Variants in SIPA1 observed in about 807,000 individuals in gnomAD.
SIPA1 encodes signal-induced proliferation-associated protein 1.
Under a neutral mutation model 88.1 loss-of-function variants are expected in SIPA1, and 51 were observed. That is an observed-to-expected ratio of 0.58 (90% CI 0.46 to 0.73). SIPA1 has a LOEUF of 0.73. SIPA1 is among the 30% of genes least tolerant of loss of function. The pLI is 0.00. For synonymous variants in SIPA1, 681 were observed against 664.8 expected (o/e 1.02, Z -0.37); for missense variants, 1,348 against 1,467.6 (o/e 0.92, Z 1.33).
Position 65,646,120 on chromosome 11 carries a change from C to T in SIPA1, c.1264-101C>T. The T allele has an allele frequency of 1.4e-6, 2 of 1,420,086 alleles. No homozygotes were observed. Among genetic ancestry groups the T allele is most frequent in the Non-Finnish European group, 2.0e-6 (2 of 1,025,200 alleles). The allele number at this position is 1,420,086 out of a possible 1,614,324, so 88.0% of individuals were successfully genotyped here. On this transcript the variant is annotated intron_variant, in intron 6 of 15. Transcript: ENST00000534313. The surrounding 1 kb of genome is among the most constrained non-coding windows in gnomAD (Gnocchi z 7.5). ...AAACACCCTAGGTCTTCACCAGGGG[C>T]AGTGGGGGAGCCATTGGTGCCTTGG...
chr11:65,649,720 G>C, intron 11 of SIPA1, 37 bp from the exon 12 acceptor site: 1 of 1,613,740 alleles, frequency 6.2e-7, no homozygotes, highest in Non-Finnish European at 8.5e-7. Flanking sequence ...TGGTGACAGT[G>C]GGCATCACTG....
chr11:65,646,932 C>T lies in SIPA1; in HGVS notation c.1898C>T (p.Ala633Val). ...GACGGCCGCGTAGTGTTCAATTGCG[C>T]CTGTCGCGACGTGCTGGCCTGGACC... ...PRDGRVVFNC[A>V]CRDVLAWTFS... Residue 633 changes from alanine to valine, a missense_variant, in exon 8 of 16, where the codon GCC becomes GTC. Transcript: ENST00000534313. This position sits in a 1 kb window ranked among gnomAD's most constrained non-coding sequence, Gnocchi z 7.5. 6.5e-7 allele frequency: 1 copy of T among 1,536,138 alleles called. No homozygotes were observed. The highest frequency in any genetic ancestry group is 8.7e-7 in the Non-Finnish European group (1 of 1,146,500).
Position 65,650,852 on chromosome 11 carries a change from C to T in SIPA1, c.*137C>T. 3.3e-6 allele frequency: 3 copies of T among 901,504 alleles called. No homozygotes were observed. The highest frequency in any genetic ancestry group is 4.9e-6 in the Non-Finnish European group (3 of 616,952). 55.8% of individuals were successfully genotyped at this position (901,504 alleles called of 1,614,324 possible). A position where few individuals can be genotyped will look rare whatever the true frequency, so the allele number is the denominator to read the frequency against. ...TATTTGGTGGCGGAAGTGGCCTCCA[C>T]CCCTTCCCTGTTTGTAAATATTCTG... On this transcript the variant is annotated 3_prime_UTR_variant, in exon 16 of 16. Coordinates refer to ENST00000534313, the MANE Select transcript of SIPA1 (RefSeq NM_006747.4).
intron 5 of SIPA1, among the ~76,000 whole-genome samples, chr11:65,645,594 G>A (rs546315351): frequency 1.3e-5 from 2 of 152,156 alleles, no homozygotes; most frequent in African/African-American, 4.8e-5. Flanking sequence ...TCTCATTTCT[G>A]TCTTCATTCT....
intron 9 of SIPA1, among the ~76,000 whole-genome samples, chr11:65,648,829 T>C (rs1332029489): frequency 4.3e-5 from 6 of 140,082 alleles, no homozygotes; most frequent in Non-Finnish European, 6.2e-5. Flanking sequence ...AGAGCAAAAC[T>C]CCATCTCAAA....
chr11:65,646,562 A>G lies in SIPA1; in HGVS notation c.1528A>G (p.Lys510Glu). Residue 510 changes from lysine to glutamate, a missense_variant, in exon 8 of 16, where the codon AAA becomes GAA. By Grantham distance (56) the Lys-to-Glu change is moderately conservative. This residue lies in a region of SIPA1 where 641 missense variants were observed against 797.7 expected (regional missense o/e 0.80). Transcript: ENST00000534313. This position sits in a 1 kb window ranked among gnomAD's most constrained non-coding sequence, Gnocchi z 7.5. ...CGACTTCCGGGCCTTCCTGCTGGCCAAAGCGCTGAATGGTGAGCAGGCGGC... is the reference window on the plus strand; with the variant it reads ...CGACTTCCGGGCCTTCCTGCTGGCCGAAGCGCTGAATGGTGAGCAGGCGGC... ...NADFRAFLLA[K>E]ALNGEQAAGH... 1 of 1,552,746 alleles carries G rather than the reference A, an allele frequency of 6.4e-7. No individual in the cohort carries two copies. Among genetic ancestry groups the G allele is most frequent in the Non-Finnish European group, 8.7e-7 (1 of 1,154,884 alleles).
In SIPA1 at chr11:65,649,260, AG is replaced by A; in HGVS notation, c.2307del. On this transcript the variant is annotated splice_acceptor_variant, in intron 9 of 15. Coordinates refer to ENST00000534313, the MANE Select transcript of SIPA1 (RefSeq NM_006747.4). LOFTEE classifies it high-confidence loss of function. ...CCTGCCTGACCCTGTCCCACCCCAC[AG>A]GAGTTTTTCGGAGCTGTACACGCTG... 1 of 1,515,826 alleles carries A rather than the reference AG, an allele frequency of 6.6e-7. No homozygotes were observed. Among genetic ancestry groups the A allele is most frequent in the Non-Finnish European group, 8.9e-7 (1 of 1,124,394 alleles). The allele number at this position is 1,515,826 out of a possible 1,614,324, so 93.9% of individuals were successfully genotyped here.
In SIPA1 at chr11:65,646,153, C is replaced by T. The variant is rs761234219; in HGVS notation, c.1264-68C>T. The T allele has an allele frequency of 1.7e-5, 26 of 1,570,708 alleles. No individual in the cohort carries two copies. Among genetic ancestry groups the T allele is most frequent in the Non-Finnish European group, 2.3e-5 (26 of 1,151,370 alleles). Reference sequence around the variant, plus strand: ...GAGCCATTGGTGCCTTGGCTTTCTCCTGCCTGAATGAGGAGGGGTTTGGGG... The same window carrying T: ...GAGCCATTGGTGCCTTGGCTTTCTCTTGCCTGAATGAGGAGGGGTTTGGGG... On this transcript the variant is annotated intron_variant, in intron 6 of 15. Transcript: ENST00000534313. This position sits in a 1 kb window ranked among gnomAD's most constrained non-coding sequence, Gnocchi z 7.5.
chr11:65,642,541 C>A lies in SIPA1; in HGVS notation c.886C>A (p.Leu296Met). 1 of 1,606,984 alleles carries A rather than the reference C, an allele frequency of 6.2e-7. No homozygotes were observed. The highest frequency in any genetic ancestry group is 8.5e-7 in the Non-Finnish European group (1 of 1,179,142). ...ACGGGGTCTGTCCCCAAGGAAACTT[C>A]TGGAGCACGTGGCGCCGCAGCTGAG... ...PPRGLSPRKLLEHVAPQLSPS... is the reference protein window; with the variant it reads ...PPRGLSPRKLMEHVAPQLSPS... Residue 296 changes from leucine (L) to methionine (M), a missense_variant, in exon 4 of 16, where the codon CTG (leucine) becomes ATG (methionine). Around this residue, in one of 4 missense-constraint regions of SIPA1, gnomAD observed 641 missense variants for 797.7 expected, o/e 0.80. Coordinates refer to ENST00000534313, the MANE Select transcript of SIPA1 (RefSeq NM_006747.4). The surrounding 1 kb of genome is among the most constrained non-coding windows in gnomAD (Gnocchi z 6.5).
chr11:65,647,238 C>A (rs2075660), intron 8 of SIPA1, 146 bp from the exon 9 acceptor site: 210,244 of 1,382,530 alleles, frequency 0.15, 19,281 homozygotes, highest in East Asian at 0.42. Context: ...TAAGCGACTT[C>A]TGGTCTTCAT....
At chr11:65,638,882 C>A (rs1855949642) in intron 1 of SIPA1, among the ~76,000 whole-genome samples, 1 of 152,220 alleles carries the variant, frequency 6.6e-6, no homozygotes, top group Non-Finnish European at 1.5e-5. Flanking sequence ...CACTTCCAAG[C>A]GTGCAGAGCT....
At chr11:65,648,017 A>G (rs1312660371) in intron 9 of SIPA1, among the ~76,000 whole-genome samples, 2 of 151,968 alleles carry the variant, frequency 1.3e-5, no homozygotes, top group African/African-American at 2.4e-5. Flanking sequence ...GATTACAGGC[A>G]TGCACCACCA....
Position 65,650,699 on chromosome 11 carries a change from C to A in SIPA1, c.3113C>A (p.Thr1038Asn). 6.3e-7 allele frequency: 1 copy of A among 1,580,350 alleles called. No homozygotes were observed. Among genetic ancestry groups the A allele is most frequent in the South Asian group, 1.2e-5 (1 of 86,750 alleles). Residue 1038 changes from threonine (T) to asparagine (N), a missense_variant, in exon 16 of 16, where the codon ACC (threonine) becomes AAC (asparagine). This residue lies in a region of SIPA1 where 615 missense variants were observed against 559.8 expected (regional missense o/e 1.10). Coordinates refer to ENST00000534313, the MANE Select transcript of SIPA1 (RefSeq NM_006747.4). Reference sequence around the variant, plus strand: ...GCCTCCAAGCAGCTGGGCTCACCCACCGCCGACCTGGCCTGAGCCGTCTGG... The same window carrying A: ...GCCTCCAAGCAGCTGGGCTCACCCAACGCCGACCTGGCCTGAGCCGTCTGG... ...LLASKQLGSP[T>N]ADLA
chr11:65,649,215 A>T (rs542936239), intron 9 of SIPA1, 47 bp from the exon 10 acceptor site: 1 of 1,364,448 alleles, frequency 7.3e-7, no homozygotes, highest in East Asian at 2.5e-5. Context: ...GTGATGCAGG[A>T]CGCTGGGGAC....
chr11:65,642,240 G>A lies in SIPA1; in HGVS notation c.680-10G>A. 6.4e-7 allele frequency: 1 copy of A among 1,550,422 alleles called. No individual in the cohort carries two copies. Among genetic ancestry groups the A allele is most frequent in the African/African-American group, 1.4e-5 (1 of 73,012 alleles). On this transcript the variant is annotated splice_polypyrimidine_tract_variant and intron_variant, in intron 2 of 15. Coordinates refer to ENST00000534313, the MANE Select transcript of SIPA1 (RefSeq NM_006747.4). The surrounding 1 kb of genome is among the most constrained non-coding windows in gnomAD (Gnocchi z 6.5). ...CGGGACCAATCGTTTTCTTCGGCGC[G>A]GTCCCCCAGAACATCAGAACTTCTT... is the stretch of plus-strand genomic sequence containing the variant.
chr11:65,647,711 G>C, intron 9 of SIPA1, 53 bp downstream of exon 9: 1 of 1,280,898 alleles, frequency 7.8e-7, no homozygotes, highest in Non-Finnish European at 9.9e-7. Flanking sequence ...TGGCCACCGC[G>C]CAGTCTGCGC....
chr11:65,649,819 C>A lies in SIPA1; in HGVS notation c.2700C>A (p.Ala900=). The part of the protein sequence containing the change: ...DKGNPAPELR[A]SFLPRTLSLR... ...GCAACCCGGCGCCGGAGCTGAGGGCCTCCTTTCTGCCACGTACCTTGTCTC... is the reference window on the plus strand; with the variant it reads ...GCAACCCGGCGCCGGAGCTGAGGGCATCCTTTCTGCCACGTACCTTGTCTC... The change falls in exon 12 of 16, where the codon GCC becomes GCA. Residue 900 remains alanine, a synonymous_variant. Coordinates refer to ENST00000534313, the MANE Select transcript of SIPA1 (RefSeq NM_006747.4). The A allele has an allele frequency of 3.1e-6, 5 of 1,614,128 alleles. No homozygotes were observed. In the South Asian group the frequency reaches 5.5e-5, roughly 18 times the overall value.
chr11:65,649,700 A>G, intron 11 of SIPA1, 28 bp downstream of exon 11: 1 of 1,614,076 alleles, frequency 6.2e-7, no homozygotes, highest in Non-Finnish European at 8.5e-7. Context: ...TCTGGAGCCC[A>G]ACAGCACAGT....
rs1856136308 is a variant in SIPA1 at position 65,647,046 on chromosome 11, A to G, written c.2012A>G (p.Glu671Gly). Reference sequence around the variant, plus strand: ...GGGTCCCCCGGCCAAGCCGTGGGCGAGGTGGTGGCGCGCCTGCAGGTGAGC... The same window carrying G: ...GGGTCCCCCGGCCAAGCCGTGGGCGGGGTGGTGGCGCGCCTGCAGGTGAGC... ...FDGSPGQAVG[E>G]VVARLQLVSR... Residue 671 changes from glutamate (E) to glycine (G), a missense_variant, in exon 8 of 16, where the codon GAG (glutamate) becomes GGG (glycine). By Grantham distance (98) the Glu-to-Gly change is moderately conservative. This residue lies in a region of SIPA1 where 615 missense variants were observed against 559.8 expected (regional missense o/e 1.10). Transcript: ENST00000534313. The G allele has an allele frequency of 6.5e-6, 10 of 1,542,790 alleles. No individual in the cohort carries two copies. Among genetic ancestry groups the G allele is most frequent in the Non-Finnish European group, 7.8e-6 (9 of 1,151,056 alleles).
Sources: allele counts gnomAD v4.1 joint callset (sites outside exome capture counted in the v4.1 genomes callset), GRCh38; gene constraint gnomAD v4.1.1; regional missense constraint gnomAD v4.1.1; non-coding constraint Gnocchi (gnomAD v3.1); transcripts MANE v1.5; gene names NCBI Gene and HGNC (gene_info 2026-07-23, HGNC 2026-07-21).